CCDC175: variants seen among roughly 807,000 people sequenced by gnomAD.
CCDC175 encodes coiled-coil domain containing 175, also known as coiled-coil domain-containing protein 175.
In CCDC175, 100 loss-of-function variants were observed where a neutral mutation model predicts 114.6. The ratio of observed to expected loss-of-function variants is 0.87; its 90% CI spans 0.74 to 1.03. The LOEUF (loss-of-function observed/expected upper bound fraction) is 1.03. CCDC175 is among the 50% of genes least tolerant of loss of function. The probability of loss-of-function intolerance (pLI) is 0.00; values close to 1 mark genes in which losing one functional copy is unlikely to be tolerated. For synonymous variants in CCDC175, 306 were observed against 308.7 expected (o/e 0.99, Z 0.09); for missense variants, 880 against 917.8 (o/e 0.96, Z 0.53).
intron 4 of CCDC175, 115 bp from the exon 5 acceptor site, chr14:59,565,390 G>T (rs1566636209): frequency 1.1e-5 from 9 of 854,526 alleles, no homozygotes; most frequent in Non-Finnish European, 1.6e-5. Context: ...CTTATTTTAT[G>T]ACTGTGTTTA....
rs1032754290 is a variant in CCDC175 at position 59,531,696 on chromosome 14, G to A, written c.1762+76C>T. On this transcript the variant is annotated intron_variant, in intron 14 of 19. Coordinates refer to ENST00000537690, the MANE Select transcript of CCDC175 (RefSeq NM_001164399.2). ...GTTTCACCATTGGCTTGTAACTGAT[G>A]ACCTCCTTGTGTTAGAAGATGACAG... 6.7e-6 allele frequency: 7 copies of A among 1,042,056 alleles called. No homozygotes were observed. In the Admixed American group the frequency reaches 2.4e-4, roughly 35 times the overall value. 64.6% of individuals were successfully genotyped at this position (1,042,056 alleles called of 1,614,324 possible). A position where few individuals can be genotyped will look rare whatever the true frequency, so the allele number is the denominator to read the frequency against.
chr14:59,527,023 TA>T, intron 15 of CCDC175, 71 bp downstream of exon 15: 1 of 779,132 alleles, frequency 1.3e-6, no homozygotes. Context: ...CAATGCCAGG[TA>T]AATACTACCA....
rs117150559 is a variant in CCDC175 at position 59,543,587 on chromosome 14, A to C, written c.1173-133T>G. ...ATAAATTATTAAAAAATAGAAAGCAAGTCTTTTTGCTAGTGGTAGCTAGAT... is the reference window on the plus strand; with the variant it reads ...ATAAATTATTAAAAAATAGAAAGCACGTCTTTTTGCTAGTGGTAGCTAGAT... On this transcript the variant is annotated intron_variant, in intron 9 of 19. Transcript: ENST00000537690. 762 of 425,558 alleles carry C rather than the reference A, an allele frequency of 1.8e-3. 2 individuals carry two copies. The highest frequency in any genetic ancestry group is 2.8e-3 in the Non-Finnish European group (686 of 243,112). The allele number at this position is 425,558 out of a possible 1,614,324, so 26.4% of individuals were successfully genotyped here. A position where few individuals can be genotyped will look rare whatever the true frequency, so the allele number is the denominator to read the frequency against.
chr14:59,518,047 C>A (rs1355206103), intron 17 of CCDC175, among the ~76,000 whole-genome samples: 2 of 152,112 alleles, frequency 1.3e-5, no homozygotes, highest in Non-Finnish European at 2.9e-5. Flanking sequence ...CTTTGACAAA[C>A]CTGACAAAAA....
rs118023850 is a variant in CCDC175, at chr14:59,511,748, C to A, written c.2142+12G>T. 19,715 of 1,534,108 alleles carry A rather than the reference C, an allele frequency of 0.013. 132 individuals are homozygous for A. Among genetic ancestry groups the A allele is most frequent in the Non-Finnish European group, 0.015 (17,087 of 1,144,290 alleles). On this transcript the variant is annotated intron_variant, in intron 18 of 19. Coordinates refer to ENST00000537690, the MANE Select transcript of CCDC175 (RefSeq NM_001164399.2). Reference sequence around the variant, plus strand: ...TATTTATATGGAGGCAACAGACACACGCAAAACTCACCTTAACTGTGGTCT... The same window carrying A: ...TATTTATATGGAGGCAACAGACACAAGCAAAACTCACCTTAACTGTGGTCT...
At chr14:59,512,344 A>G (rs576602099) in intron 17 of CCDC175, among the ~76,000 whole-genome samples, 11 of 152,358 alleles carry the variant, frequency 7.2e-5, no homozygotes, top group African/African-American at 2.6e-4. Context: ...GGCCAGTCAC[A>G]AAGGCACTCT....
At chr14:59,530,703 C>T (rs570486362) in intron 14 of CCDC175, among the ~76,000 whole-genome samples, 75 of 151,848 alleles carry the variant, frequency 4.9e-4, no homozygotes, top group Middle Eastern at 6.8e-3. Flanking sequence ...TCACTATTCA[C>T]TTCTGAATAT....
chr14:59,520,167 T>C (rs1284450559), intron 17 of CCDC175, among the ~76,000 whole-genome samples: 1 of 152,206 alleles, frequency 6.6e-6, no homozygotes, highest in East Asian at 1.9e-4. Context: ...CAAAAGATAA[T>C]ATTCAAATGG....
At chr14:59,549,907 T>C (rs1411325000) in intron 8 of CCDC175, among the ~76,000 whole-genome samples, 3 of 151,714 alleles carry the variant, frequency 2.0e-5, no homozygotes, top group African/African-American at 7.3e-5. Context: ...GATCATATCA[T>C]ACATACTGTT....
rs1895478013 is a variant in CCDC175, at chr14:59,551,481, T to A, written c.954-45A>T. On this transcript the variant is annotated intron_variant, in intron 7 of 19. Transcript: ENST00000537690. Reference sequence around the variant, plus strand: ...AACAGATTCATATAAGAACATACTTTTGAATTCTAAGGCAAGGTGGCCAAA... The same window carrying A: ...AACAGATTCATATAAGAACATACTTATGAATTCTAAGGCAAGGTGGCCAAA... 5 of 1,075,954 alleles carry A rather than the reference T, an allele frequency of 4.6e-6. No homozygotes were observed. In the African/African-American group the frequency reaches 8.2e-5, roughly 18 times the overall value. The allele number at this position is 1,075,954 out of a possible 1,614,324, so 66.7% of individuals were successfully genotyped here.
intron 7 of CCDC175, among the ~76,000 whole-genome samples, chr14:59,557,918 A>T (rs1292782024): frequency 6.6e-6 from 1 of 152,174 alleles, no homozygotes; most frequent in Non-Finnish European, 1.5e-5. Context: ...GGAGATAAGC[A>T]AGTTATCAAA....
chr14:59,520,460 A>G (rs1472897008), intron 17 of CCDC175, among the ~76,000 whole-genome samples: 3 of 152,212 alleles, frequency 2.0e-5, no homozygotes, highest in African/African-American at 7.2e-5. Flanking sequence ...AAAGTTAATC[A>G]TACACTAATT....
At chr14:59,519,678 T>C (rs117943764) in intron 17 of CCDC175, among the ~76,000 whole-genome samples, 124 of 152,314 alleles carry the variant, frequency 8.1e-4, no homozygotes, top group Non-Finnish European at 1.3e-3. Context: ...CCACAGTATA[T>C]TCCATTCCAC....
chr14:59,522,107 T>A (rs951790107), intron 16 of CCDC175, among the ~76,000 whole-genome samples: 5 of 152,218 alleles, frequency 3.3e-5, no homozygotes, highest in African/African-American at 1.2e-4. Flanking sequence ...AATTACTTAC[T>A]CAAGTCAGAT....
chr14:59,572,489 T>C (rs1382982683), intron 3 of CCDC175, among the ~76,000 whole-genome samples: 2 of 152,330 alleles, frequency 1.3e-5, no homozygotes, highest in South Asian at 2.1e-4. Flanking sequence ...CTATAGTCTA[T>C]TTAGAAACCA....
intron 7 of CCDC175, among the ~76,000 whole-genome samples, chr14:59,555,789 G>A (rs376942708): frequency 1.3e-5 from 2 of 151,998 alleles, no homozygotes; most frequent in African/African-American, 2.4e-5. Flanking sequence ...AAATCAATGT[G>A]CAAAAATCAC....
Position 59,527,111 on chromosome 14 carries a change from CT to C in CCDC175, c.1825del (p.Arg609AspfsTer9). On this transcript the variant is annotated frameshift_variant, in exon 15 of 20. Coordinates refer to ENST00000537690, the MANE Select transcript of CCDC175 (RefSeq NM_001164399.2). LOFTEE classifies it high-confidence loss of function. Reference protein sequence around the residue: ...HIFLFTRDFSRYISNMEDVKQ... With the variant: ...HIFLFTRDFSXYISNMEDVKQ... ...ATCTTTTACCATGTTGCTAATGTAT[CT>C]TGAAAAGTCCCTTGTAAACAGAAAA... is the stretch of plus-strand genomic sequence containing the variant. 6.8e-7 allele frequency: 1 copy of C among 1,473,450 alleles called. No homozygotes were observed. The highest frequency in any genetic ancestry group is 9.0e-7 in the Non-Finnish European group (1 of 1,110,926). The allele number at this position is 1,473,450 out of a possible 1,614,324, so 91.3% of individuals were successfully genotyped here.
In CCDC175 at chr14:59,533,255, G is replaced by A. The variant is rs114930343; in HGVS notation, c.1624-1345C>T. ...TAAGAGAGCCACCAAACCCAGGGAAGCCCAATGCCACAGTTTCCCATGGGT... is the reference window on the plus strand; with the variant it reads ...TAAGAGAGCCACCAAACCCAGGGAAACCCAATGCCACAGTTTCCCATGGGT... On this transcript the variant is annotated intron_variant, in intron 13 of 19. Transcript: ENST00000537690. Among the ~76,000 whole-genome samples, 614 of 152,320 alleles carry A rather than the reference G, an allele frequency of 4.0e-3. 4 individuals carry two copies. The highest frequency in any genetic ancestry group is 0.014 in the African/African-American group (575 of 41,574).
chr14:59,568,450 C>CA (rs1269159475), intron 3 of CCDC175, 70 bp from the exon 4 acceptor site: 27 of 1,199,364 alleles, frequency 2.3e-5, no homozygotes, highest in East Asian at 9.0e-5. Flanking sequence ...GACTTTCACG[C>CA]AAAAAAGCTT....
Sources: allele counts gnomAD v4.1 joint callset (sites outside exome capture counted in the v4.1 genomes callset), GRCh38; gene constraint gnomAD v4.1.1; transcripts MANE v1.5; gene names NCBI Gene and HGNC (gene_info 2026-07-23, HGNC 2026-07-21).